AUTS2: variants seen among roughly 807,000 people sequenced by gnomAD.
AUTS2 encodes the protein activator of transcription and developmental regulator AUTS2.
In AUTS2, 17 loss-of-function variants were observed where a neutral mutation model predicts 112.4. The observed-to-expected ratio is 0.15, with a 90% CI of 0.10 to 0.23. The LOEUF (loss-of-function observed/expected upper bound fraction) is 0.23, where lower values mean the gene tolerates loss of function less well. Among genes scored for constraint, AUTS2 ranks in the 10% least tolerant of loss-of-function variants. The pLI is 1.00. For missense variants in AUTS2, 1,510 were observed against 1,701.6 expected (o/e 0.89, Z 1.98); for synonymous variants, 751 against 702.7 (o/e 1.07, Z -1.09).
At chr7:70,176,910 A>G (rs865905789) in intron 4 of AUTS2, among the ~76,000 whole-genome samples, 57 of 152,314 alleles carry the variant, frequency 3.7e-4, no homozygotes, top group African/African-American at 1.3e-3. Context: ...TTTAATAAGT[A>G]AATTTCTTAT....
At chr7:70,740,204 T>C (rs974260819) in intron 6 of AUTS2, among the ~76,000 whole-genome samples, 2 of 152,192 alleles carry the variant, frequency 1.3e-5, no homozygotes, top group African/African-American at 4.8e-5. Flanking sequence ...TGAATCCAAA[T>C]ACCAACTATT....
At chr7:69,839,300 G>C (rs1791868428) in intron 1 of AUTS2, among the ~76,000 whole-genome samples, 1 of 151,966 alleles carries the variant, frequency 6.6e-6, no homozygotes, top group Non-Finnish European at 1.5e-5. Flanking sequence ...CCTGATTTTG[G>C]CTCTTTTCTC....
rs74835967 is a variant in AUTS2 at position 70,125,791 on chromosome 7, G to A, written c.624+7558G>A. Among the ~76,000 whole-genome samples, 280 of 152,194 alleles carry A rather than the reference G, an allele frequency of 1.8e-3. 3 individuals are homozygous for A. The highest frequency in any genetic ancestry group is 6.6e-3 in the African/African-American group (273 of 41,550). On this transcript the variant is annotated intron_variant, in intron 3 of 18. Coordinates refer to ENST00000342771, the MANE Select transcript of AUTS2 (RefSeq NM_015570.4). ...TTTTTCTCTTCTCTCAAATATTATTGTCCTTTACTCTGTCTTACCCAATTT... is the reference window on the plus strand; with the variant it reads ...TTTTTCTCTTCTCTCAAATATTATTATCCTTTACTCTGTCTTACCCAATTT...
intron 1 of AUTS2, among the ~76,000 whole-genome samples, chr7:69,853,702 CT>C (rs1307567265): frequency 1.3e-5 from 2 of 152,090 alleles, no homozygotes; most frequent in East Asian, 3.9e-4. Context: ...TGCCTGTTCT[CT>C]CTACCTTCAA....
chr7:70,146,039 A>G (rs937460056), intron 4 of AUTS2, among the ~76,000 whole-genome samples: 2 of 152,132 alleles, frequency 1.3e-5, no homozygotes, highest in Non-Finnish European at 2.9e-5. Flanking sequence ...AACAAGGATA[A>G]AATCAATGCA....
intron 1 of AUTS2, among the ~76,000 whole-genome samples, chr7:69,616,773 CAG>C (rs1414313037): frequency 3.3e-5 from 5 of 152,104 alleles, no homozygotes; most frequent in South Asian, 2.1e-4. Context: ...TTGGGTACCT[CAG>C]GGTACGCTGA....
intron 1 of AUTS2, among the ~76,000 whole-genome samples, chr7:69,897,664 A>G (rs920924790): frequency 6.6e-6 from 1 of 151,942 alleles, no homozygotes; most frequent in Non-Finnish European, 1.5e-5. Context: ...AGGCTGAGGC[A>G]GGGAATCGCT....
chr7:70,229,143 G>C (rs1811920382), intron 4 of AUTS2, among the ~76,000 whole-genome samples: 1 of 152,020 alleles, frequency 6.6e-6, no homozygotes, highest in South Asian at 2.1e-4. Context: ...GCCTCCTATA[G>C]TTACCTACAT....
intron 1 of AUTS2, among the ~76,000 whole-genome samples, chr7:69,680,267 T>C (rs1176991563): frequency 1.3e-5 from 2 of 152,238 alleles, no homozygotes; most frequent in African/African-American, 4.8e-5. Context: ...ATTGTCAGAA[T>C]TGGCTTTTGA....
rs555825632 is a variant in AUTS2, at chr7:69,760,894, T to C, written c.310-138392T>C. On this transcript the variant is annotated intron_variant, in intron 1 of 18. Transcript: ENST00000342771. ...AATCCTGTATATCAGTAAGAAAATA[T>C]GTTTTGAGATTCACAAAACTCAATT... is the stretch of plus-strand genomic sequence containing the variant. Among the ~76,000 whole-genome samples the C allele has an allele frequency of 1.9e-3, 297 of 152,356 alleles. 2 individuals are homozygous for C. The highest frequency in any genetic ancestry group is 2.2e-3 in the Non-Finnish European group (151 of 68,040).
At chr7:70,081,690 C>T (rs559333000) in intron 2 of AUTS2, among the ~76,000 whole-genome samples, 54 of 152,066 alleles carry the variant, frequency 3.6e-4, no homozygotes, top group Non-Finnish European at 5.7e-4. Context: ...GTTGTATTTC[C>T]GTTCATCAGT....
At chr7:69,746,349 C>G (rs927803982) in intron 1 of AUTS2, among the ~76,000 whole-genome samples, 1 of 152,150 alleles carries the variant, frequency 6.6e-6, no homozygotes, top group African/African-American at 2.4e-5. Flanking sequence ...TGAAACTTAC[C>G]TTCTACTTGG....
intron 5 of AUTS2, among the ~76,000 whole-genome samples, chr7:70,479,598 A>C (rs944450489): frequency 6.6e-6 from 1 of 152,020 alleles, no homozygotes; most frequent in Admixed American, 6.6e-5. Context: ...GTTCACCAGC[A>C]TGAATCGCTT....
chr7:69,600,178 C>G (rs547130024), intron 1 of AUTS2, among the ~76,000 whole-genome samples: 1 of 151,918 alleles, frequency 6.6e-6, no homozygotes, highest in East Asian at 1.9e-4. Context: ...GGTCTCGTTT[C>G]CTCGCTCGCC....
intron 4 of AUTS2, among the ~76,000 whole-genome samples, chr7:70,228,224 C>T (rs191675425): frequency 6.0e-4 from 91 of 151,334 alleles, no homozygotes; most frequent in African/African-American, 2.0e-3. Context: ...ATTCTCTCTC[C>T]CCTTTATTAT....
chr7:70,595,060 C>T (rs1186937346), intron 5 of AUTS2, among the ~76,000 whole-genome samples: 4 of 151,746 alleles, frequency 2.6e-5, no homozygotes, highest in Non-Finnish European at 5.9e-5. Context: ...GAGATTGCAC[C>T]ATTGCACTCC....
chr7:70,397,526 C>A (rs950862930), intron 4 of AUTS2, among the ~76,000 whole-genome samples: 2 of 151,888 alleles, frequency 1.3e-5, no homozygotes, highest in Non-Finnish European at 2.9e-5. Flanking sequence ...CCATTTTTAA[C>A]TTAAATTCTT....
At chr7:70,496,556 A>C (rs1469541037) in intron 5 of AUTS2, among the ~76,000 whole-genome samples, 1 of 133,444 alleles carries the variant, frequency 7.5e-6, no homozygotes, top group Non-Finnish European at 1.6e-5. Context: ...AGTCAGACAC[A>C]CACACACACC....
intron 4 of AUTS2, among the ~76,000 whole-genome samples, chr7:70,278,643 A>T (rs148698926): frequency 6.6e-6 from 1 of 152,282 alleles, no homozygotes; most frequent in African/African-American, 2.4e-5. Flanking sequence ...GCATACATAC[A>T]TGCATACAAA....
Sources: allele counts gnomAD v4.1 joint callset (sites outside exome capture counted in the v4.1 genomes callset), GRCh38; gene constraint gnomAD v4.1.1; transcripts MANE v1.5; gene names NCBI Gene and HGNC (gene_info 2026-07-23, HGNC 2026-07-21).